The following SLC10A5 variants were observed in gnomAD, a reference collection of about 807,000 sequenced individuals.
The protein encoded by SLC10A5 is solute carrier family 10 member 5.
For missense variants in SLC10A5, 475 were observed against 500.7 expected, an observed-to-expected ratio of 0.95 and a Z score of 0.49; for synonymous variants, 181 against 183.7, an observed-to-expected ratio of 0.99 and a Z score of 0.12.
In SLC10A5 at chr8:81,693,913, A is replaced by G. The variant is rs776032180; in HGVS notation, c.1060T>C (p.Phe354Leu). The G allele has an allele frequency of 8.7e-6, 14 of 1,614,100 alleles. No homozygotes were observed. In the South Asian group the frequency reaches 1.2e-4, roughly 14 times the overall value. ...PALGLLFGYS[F>L]AKVCTLPLPV... is the part of the protein sequence containing the mutation. ...AGAGGCAGCGTACAAACTTTAGCAA[A>G]GGAGTACCCAAACAGCAAACCCAAA... The change falls in exon 1 of 1, where the codon TTT becomes CTT. Residue 354 changes from phenylalanine (F) to leucine (L), a missense_variant. Phe to Leu is a conservative substitution (Grantham distance 22). Transcript: ENST00000518568.
In SLC10A5 at chr8:81,695,053, C is replaced by T. The variant is rs1307892266; in HGVS notation, c.-81G>A. ...ATTCTTCATGCAGGTGTTCCAGTGA[C>T]AGTCTGAGGGTGAGTTAGATAACAG... On this transcript the variant is annotated 5_prime_UTR_variant, in exon 1 of 1. Transcript: ENST00000518568. 1 of 1,109,764 alleles carries T rather than the reference C, an allele frequency of 9.0e-7. No homozygotes were observed. Among genetic ancestry groups the T allele is most frequent in the South Asian group, 1.7e-5 (1 of 59,960 alleles). 68.7% of individuals were successfully genotyped at this position (1,109,764 alleles called of 1,614,324 possible).
At position 81,694,793 on chromosome 8, in the gene SLC10A5, G is replaced by T. The variant is rs372837249; in HGVS notation, c.180C>A (p.Leu60=). Residue 60 remains leucine (L), a synonymous_variant, in exon 1 of 1, where the codon CTC becomes CTA. Transcript: ENST00000518568. ...YENKRPNSSH[L]FVKIEDPKIL... The stretch of plus-strand genomic sequence containing the variant: ...TTTTAGGATCTTCTATTTTCACAAA[G>T]AGGTGGCTGGAATTAGGCCGTTTAT... The T allele has an allele frequency of 1.2e-5, 20 of 1,613,878 alleles. No homozygotes were observed. The highest frequency in any genetic ancestry group is 1.6e-5 in the Non-Finnish European group (19 of 1,179,976).
Position 81,694,340 on chromosome 8 carries a change from C to A in SLC10A5, c.633G>T (p.Met211Ile). 1 of 1,613,838 alleles carries A rather than the reference C, an allele frequency of 6.2e-7. No individual in the cohort carries two copies. Among genetic ancestry groups the A allele is most frequent in the Non-Finnish European group, 8.5e-7 (1 of 1,179,990 alleles). Residue 211 changes from methionine (M) to isoleucine (I), a missense_variant, in exon 1 of 1, where the codon ATG (methionine) becomes ATT (isoleucine). Transcript: ENST00000518568. ...LPEAQAFGVV[M>I]TCTCPGGGGG... ...CACCCCCTCCTGGGCACGTGCAGGT[C>A]ATTACAACTCCAAAAGCTTGCGCCT... is the stretch of plus-strand genomic sequence containing the variant.
rs1269520085 is a variant in SLC10A5, at chr8:81,694,082, T to C, written c.891A>G (p.Glu297=). Residue 297 remains glutamate, a synonymous_variant, in exon 1 of 1, where the codon GAA becomes GAG. Transcript: ENST00000518568. ...TTATTCTCTCTAAGAAGCTTGCTTT[T>C]TCAGGTATTCTATGCTTGATGACTA... ...IGIVIKHRIP[E]KASFLERIIR... is the part of the protein sequence containing the mutation. 3.1e-6 allele frequency: 5 copies of C among 1,614,006 alleles called. No individual in the cohort carries two copies. Among genetic ancestry groups the C allele is most frequent in the Non-Finnish European group, 3.4e-6 (4 of 1,180,046 alleles).
In SLC10A5 at chr8:81,694,321, C is replaced by A. The variant is rs1186968912; in HGVS notation, c.652G>T (p.Gly218Trp). 2 of 1,614,166 alleles carry A rather than the reference C, an allele frequency of 1.2e-6. No individual in the cohort carries two copies. Among genetic ancestry groups the A allele is most frequent in the Non-Finnish European group, 8.5e-7 (1 of 1,180,026 alleles). ...GVVMTCTCPG[G>W]GGGYLFALLL... ...AGAGCAAAGAGATAGCCCCCACCCC[C>A]TCCTGGGCACGTGCAGGTCATTACA... Residue 218 changes from glycine (G) to tryptophan (W), a missense_variant, in exon 1 of 1, where the codon GGG becomes TGG. By Grantham distance (184) the Gly-to-Trp change is radical. Transcript: ENST00000518568.
Position 81,694,308 on chromosome 8 carries a change from TA to T in SLC10A5, c.664del (p.Tyr222IlefsTer7). ...TCCATCTAGAAGCAGAGCAAAGAGA[TA>T]GCCCCCACCCCCTCCTGGGCACGTG... ...TCTCPGGGGGYLFALLLDGDF... is the reference protein window; with the variant it reads ...TCTCPGGGGGXLFALLLDGDF... On this transcript the variant is annotated frameshift_variant, in exon 1 of 1. Transcript: ENST00000518568. LOFTEE classifies it low-confidence loss of function (END_TRUNC). 6.2e-7 allele frequency: 1 copy of T among 1,614,102 alleles called. No homozygotes were observed. The highest frequency in any genetic ancestry group is 8.5e-7 in the Non-Finnish European group (1 of 1,180,028).
Position 81,694,779 on chromosome 8 carries a change from T to C in SLC10A5, c.194A>G (p.Glu65Gly). 1.9e-6 allele frequency: 3 copies of C among 1,613,938 alleles called. No individual in the cohort carries two copies. The highest frequency in any genetic ancestry group is 2.5e-6 in the Non-Finnish European group (3 of 1,179,968). Residue 65 changes from glutamate (E) to glycine (G), a missense_variant, in exon 1 of 1, where the codon GAA (glutamate) becomes GGA (glycine). Glu to Gly is a moderately conservative substitution (Grantham distance 98). Transcript: ENST00000518568. Reference sequence around the variant, plus strand: ...CACCATTTGTAGTATTTTAGGATCTTCTATTTTCACAAAGAGGTGGCTGGA... The same window carrying C: ...CACCATTTGTAGTATTTTAGGATCTCCTATTTTCACAAAGAGGTGGCTGGA... ...PNSSHLFVKI[E>G]DPKILQMVNV...
At position 81,694,480 on chromosome 8, in the gene SLC10A5, G is replaced by A. The variant is rs1407172653; in HGVS notation, c.493C>T (p.Gln165Ter). The change falls in exon 1 of 1, where the codon CAG becomes TAG. Residue 165 changes from glutamine to a stop codon, truncating the protein, a stop_gained. Coordinates refer to ENST00000518568, the MANE Select transcript of SLC10A5 (RefSeq NM_001010893.3). LOFTEE classifies it low-confidence loss of function (END_TRUNC). ...KCAFGCKIEL[Q>*]LFQTVWKRPL... is the part of the protein sequence containing the mutation. ...CTCTTCCATACTGTTTGAAACAGCT[G>A]TAATTCAATCTTACAACCAAATGCA... is the stretch of plus-strand genomic sequence containing the variant. 6.2e-7 allele frequency: 1 copy of A among 1,614,214 alleles called. No individual in the cohort carries two copies. The highest frequency in any genetic ancestry group is 1.3e-5 in the African/African-American group (1 of 75,060).
rs1187551712 is a variant in SLC10A5 at position 81,694,286 on chromosome 8, A to G, written c.687T>C (p.Asp229=). Residue 229 remains aspartate, a synonymous_variant, in exon 1 of 1, where the codon GAT becomes GAC. Coordinates refer to ENST00000518568, the MANE Select transcript of SLC10A5 (RefSeq NM_001010893.3). The part of the protein sequence containing the change: ...GGGYLFALLL[D]GDFTLAILMT... ...TCAAAATGGCCAATGTGAAATCTCC[A>G]TCTAGAAGCAGAGCAAAGAGATAGC... 2 of 1,614,150 alleles carry G rather than the reference A, an allele frequency of 1.2e-6. No individual in the cohort carries two copies. Among genetic ancestry groups the G allele is most frequent in the Admixed American group, 1.7e-5 (1 of 60,016 alleles).
chr8:81,694,255 A>G lies in SLC10A5; in HGVS notation c.718T>C (p.Cys240Arg). The change falls in exon 1 of 1, where the codon TGC becomes CGC. Residue 240 changes from cysteine to arginine, a missense_variant. By Grantham distance (180) the Cys-to-Arg change is radical (BLOSUM62 -3). Transcript: ENST00000518568. ...ATCAGAGCCAATAATGTTGATGTGCAAGTCATCAAAATGGCCAATGTGAAA... is the reference window on the plus strand; with the variant it reads ...ATCAGAGCCAATAATGTTGATGTGCGAGTCATCAAAATGGCCAATGTGAAA... The part of the protein sequence containing the change: ...GDFTLAILMT[C>R]TSTLLALIMM... The G allele has an allele frequency of 6.2e-7, 1 of 1,614,156 alleles. No individual in the cohort carries two copies. The highest frequency in any genetic ancestry group is 2.2e-5 in the East Asian group (1 of 44,876).
chr8:81,694,706 A>G lies in SLC10A5; in HGVS notation c.267T>C (p.Asn89=). The change falls in exon 1 of 1, where the codon AAT becomes AAC. Residue 89 remains asparagine (N), a synonymous_variant. Transcript: ENST00000518568. ...ISSDATNFTI[N]LVTDEEGETN... Reference sequence around the variant, plus strand: ...TTTCTCCTTCTTCATCAGTCACCAGATTTATGGTAAAGTTTGTAGCATCTG... The same window carrying G: ...TTTCTCCTTCTTCATCAGTCACCAGGTTTATGGTAAAGTTTGTAGCATCTG... 6.2e-7 allele frequency: 1 copy of G among 1,614,082 alleles called. No homozygotes were observed. Among genetic ancestry groups the G allele is most frequent in the Non-Finnish European group, 8.5e-7 (1 of 1,180,018 alleles).
At position 81,694,057 on chromosome 8, in the gene SLC10A5, T is replaced by C; in HGVS notation, c.916A>G (p.Ile306Val). ...ATTAAAATAAAACTCAGAGGTCTAA[T>C]TATTCTCTCTAAGAAGCTTGCTTTT... is the stretch of plus-strand genomic sequence containing the variant. ...PEKASFLERIIRPLSFILMFV... is the reference protein window; with the variant it reads ...PEKASFLERIVRPLSFILMFV... The change falls in exon 1 of 1, where the codon ATT (isoleucine) becomes GTT (valine). Residue 306 changes from isoleucine (I) to valine (V), a missense_variant. Ile to Val is a conservative substitution (Grantham distance 29). Coordinates refer to ENST00000518568, the MANE Select transcript of SLC10A5 (RefSeq NM_001010893.3). The C allele has an allele frequency of 6.2e-7, 1 of 1,614,062 alleles. No individual in the cohort carries two copies.
rs1807696703 is a variant in SLC10A5, at chr8:81,694,586, T to C, written c.387A>G (p.Lys129=). Reference sequence around the variant, plus strand: ...GCATTGGTGCCTGGAGTAGACTGTCTTTTTGTTTGAGCACTTTGACTTTCA... The same window carrying C: ...GCATTGGTGCCTGGAGTAGACTGTCCTTTTGTTTGAGCACTTTGACTTTCA... The part of the protein sequence containing the change: ...KNVKVKVLKQ[K]DSLLQAPMHI... The change falls in exon 1 of 1, where the codon AAA becomes AAG. Residue 129 remains lysine (K), a synonymous_variant. Transcript: ENST00000518568. 5 of 1,614,174 alleles carry C rather than the reference T, an allele frequency of 3.1e-6. No individual in the cohort carries two copies. Among genetic ancestry groups the C allele is most frequent in the Non-Finnish European group, 3.4e-6 (4 of 1,180,042 alleles).
Position 81,693,926 on chromosome 8 carries a change from C to G in SLC10A5, c.1047G>C (p.Leu349=). ...LGLLVPALGL[L]FGYSFAKVCT... ...AAACTTTAGCAAAGGAGTACCCAAACAGCAAACCCAAAGCAGGAACTAAGA... is the reference window on the plus strand; with the variant it reads ...AAACTTTAGCAAAGGAGTACCCAAAGAGCAAACCCAAAGCAGGAACTAAGA... Residue 349 remains leucine, a synonymous_variant, in exon 1 of 1, where the codon CTG becomes CTC. Transcript: ENST00000518568. 6.2e-7 allele frequency: 1 copy of G among 1,614,102 alleles called. No homozygotes were observed. The highest frequency in any genetic ancestry group is 8.5e-7 in the Non-Finnish European group (1 of 1,180,022).
chr8:81,693,665 G>A lies in SLC10A5; in HGVS notation c.1308C>T (p.Phe436=). Reference sequence around the variant, plus strand: ...AGTAATGCTTTAATTGTTAGATTAGGAAATTTCTTTTCCTTTTATCTTGTA... The same window carrying A: ...AGTAATGCTTTAATTGTTAGATTAGAAAATTTCTTTTCCTTTTATCTTGTA... ...FFLQDKRKRN[F]LI is the part of the protein sequence containing the mutation. Residue 436 remains phenylalanine, a synonymous_variant, in exon 1 of 1, where the codon TTC becomes TTT. Coordinates refer to ENST00000518568, the MANE Select transcript of SLC10A5 (RefSeq NM_001010893.3). 1.3e-6 allele frequency: 2 copies of A among 1,586,618 alleles called. No homozygotes were observed. Among genetic ancestry groups the A allele is most frequent in the Non-Finnish European group, 1.7e-6 (2 of 1,169,392 alleles).
In SLC10A5 at chr8:81,694,058, T is replaced by C. The variant is rs751407852; in HGVS notation, c.915A>G (p.Ile305Met). Residue 305 changes from isoleucine to methionine, a missense_variant, in exon 1 of 1, where the codon ATA (isoleucine) becomes ATG (methionine). Transcript: ENST00000518568. ...IPEKASFLER[I>M]IRPLSFILMF... ...TTAAAATAAAACTCAGAGGTCTAAT[T>C]ATTCTCTCTAAGAAGCTTGCTTTTT... 39 of 1,613,914 alleles carry C rather than the reference T, an allele frequency of 2.4e-5. No homozygotes were observed. The highest frequency in any genetic ancestry group is 2.2e-4 in the Admixed American group (13 of 59,990).
At position 81,695,044 on chromosome 8, in the gene SLC10A5, T is replaced by C; in HGVS notation, c.-72A>G. On this transcript the variant is annotated 5_prime_UTR_variant, in exon 1 of 1. Coordinates refer to ENST00000518568, the MANE Select transcript of SLC10A5 (RefSeq NM_001010893.3). Reference sequence around the variant, plus strand: ...TGAAAGAACATTCTTCATGCAGGTGTTCCAGTGACAGTCTGAGGGTGAGTT... The same window carrying C: ...TGAAAGAACATTCTTCATGCAGGTGCTCCAGTGACAGTCTGAGGGTGAGTT... The C allele has an allele frequency of 8.3e-7, 1 of 1,203,932 alleles. No homozygotes were observed. The highest frequency in any genetic ancestry group is 2.5e-5 in the East Asian group (1 of 40,546). The allele number at this position is 1,203,932 out of a possible 1,614,324, so 74.6% of individuals were successfully genotyped here. A position where few individuals can be genotyped will look rare whatever the true frequency, so the allele number is the denominator to read the frequency against.
Position 81,694,090 on chromosome 8 carries a change from T to C in SLC10A5, c.883A>G (p.Ile295Val), listed in dbSNP as rs780329712. The C allele has an allele frequency of 1.2e-6, 2 of 1,614,152 alleles. No individual in the cohort carries two copies. Among genetic ancestry groups the C allele is most frequent in the South Asian group, 2.2e-5 (2 of 91,090 alleles). Residue 295 changes from isoleucine to valine, a missense_variant, in exon 1 of 1, where the codon ATA becomes GTA. Coordinates refer to ENST00000518568, the MANE Select transcript of SLC10A5 (RefSeq NM_001010893.3). ...TCTAAGAAGCTTGCTTTTTCAGGTATTCTATGCTTGATGACTATTCCAATT... is the reference window on the plus strand; with the variant it reads ...TCTAAGAAGCTTGCTTTTTCAGGTACTCTATGCTTGATGACTATTCCAATT... ...VSIGIVIKHR[I>V]PEKASFLERI...
Position 81,694,996 on chromosome 8 carries a change from T to G in SLC10A5, c.-24A>C, listed in dbSNP as rs373642640. The G allele has an allele frequency of 3.3e-6, 5 of 1,502,618 alleles. No homozygotes were observed. Among genetic ancestry groups the G allele is most frequent in the Middle Eastern group, 2.5e-4 (1 of 4,012 alleles). 93.1% of individuals were successfully genotyped at this position (1,502,618 alleles called of 1,614,324 possible). The stretch of plus-strand genomic sequence containing the variant: ...ATTTTGAAAGCTGAAATAAATCATA[T>G]ATGCAAAATCGTTTTTAAAAAATGA... On this transcript the variant is annotated 5_prime_UTR_variant, in exon 1 of 1. Transcript: ENST00000518568.
Sources: gnomAD v4.1 joint callset for allele counts on GRCh38, gnomAD v4.1.1 for gene constraint, MANE v1.5 for transcripts, NCBI Gene and HGNC (gene_info 2026-07-23, HGNC 2026-07-21) for gene names.